CCDC152: variants seen among roughly 807,000 people sequenced by gnomAD.
CCDC152 encodes coiled-coil domain containing 152.
Under a neutral mutation model 38.1 loss-of-function variants are expected in CCDC152, and 37 were observed. That is an observed-to-expected ratio of 0.97 (90% confidence interval 0.75 to 1.28). The LOEUF (loss-of-function observed/expected upper bound fraction) is 1.28, where lower values mean the gene tolerates loss of function less well. Ranked by LOEUF, CCDC152 falls within the 50% of genes most tolerant of loss-of-function variation. CCDC152 has a pLI of 0.00. For missense variants in CCDC152, 259 were observed against 292.1 expected, an observed-to-expected ratio of 0.89 and a Z score of 0.83; for synonymous variants, 83 against 87.1, an observed-to-expected ratio of 0.95 and a Z score of 0.26.
At chr5:42,795,369 G>A (rs748854986) in intron 6 of CCDC152, among the ~76,000 whole-genome samples, 10 of 152,166 alleles carry the variant, frequency 6.6e-5, no homozygotes, top group Non-Finnish European at 1.5e-4. Context: ...AATTCTAAAT[G>A]TATATGTACC....
At chr5:42,779,017 G>A (rs554121816) in intron 4 of CCDC152, among the ~76,000 whole-genome samples, 127 of 152,214 alleles carry the variant, frequency 8.3e-4, no homozygotes, top group African/African-American at 2.5e-3. Flanking sequence ...GTTTTTCCAA[G>A]CTATATTCAC....
Position 42,796,971 on chromosome 5 carries a change from GTC to G in CCDC152, c.558+17_558+18del, listed in dbSNP as rs1434055594. 13 of 1,494,338 alleles carry G rather than the reference GTC, an allele frequency of 8.7e-6. 1 individual carries two copies. In the South Asian group the frequency reaches 1.7e-4, roughly 20 times the overall value. The allele number at this position is 1,494,338 out of a possible 1,614,324, so 92.6% of individuals were successfully genotyped here. ...TACAACTAGAAGTAAGTGTTTAAGA[GTC>G]TGCTAAACTTGAGGACACATCCCTT... On this transcript the variant is annotated intron_variant, in intron 7 of 8. Transcript: ENST00000361970.
At chr5:42,771,314 A>G (rs1045873423) in intron 4 of CCDC152, among the ~76,000 whole-genome samples, 1 of 152,114 alleles carries the variant, frequency 6.6e-6, no homozygotes, top group African/African-American at 2.4e-5. Context: ...ATTTAAAAGG[A>G]AAAAATATAT....
At position 42,770,175 on chromosome 5, in the gene CCDC152, T is replaced by C. The variant is rs527501827; in HGVS notation, c.262+510T>C. On this transcript the variant is annotated intron_variant, in intron 4 of 8. Transcript: ENST00000361970. ...ACAAAACAGACCAAGTATTTTGTGC[T>C]GTTCTGACTCAGCTGTGATGGCTGT... 2.0e-5 allele frequency among the ~76,000 whole-genome samples: 3 copies of C among 152,350 alleles called. No homozygotes were observed. The East Asian group carries it at 5.8e-4, about 29-fold the overall frequency.
intron 4 of CCDC152, among the ~76,000 whole-genome samples, chr5:42,770,620 G>A (rs746189184): frequency 8.6e-5 from 13 of 151,924 alleles, no homozygotes; most frequent in Non-Finnish European, 1.6e-4. Context: ...GGCTATTTGA[G>A]GTCTTTTGTG....
chr5:42,759,209 G>C lies in CCDC152; in HGVS notation c.87+1G>C. On this transcript the variant is annotated splice_donor_variant, in intron 2 of 8. Transcript: ENST00000361970. LOFTEE classifies it high-confidence loss of function. The stretch of plus-strand genomic sequence containing the variant: ...AAATGACTTCTCACAGATAGAAAAG[G>C]TATGTAAAGATAGAAAACAATTCTA... 2 of 1,537,296 alleles carry C rather than the reference G, an allele frequency of 1.3e-6. No homozygotes were observed. Among genetic ancestry groups the C allele is most frequent in the South Asian group, 1.2e-5 (1 of 83,284 alleles).
chr5:42,773,924 C>T (rs1759733124), intron 4 of CCDC152, among the ~76,000 whole-genome samples: 1 of 152,186 alleles, frequency 6.6e-6, no homozygotes, highest in African/African-American at 2.4e-5. Context: ...CTCACTTGCA[C>T]ATAAAACTTG....
intron 6 of CCDC152, among the ~76,000 whole-genome samples, chr5:42,787,419 T>C (rs1759936944): frequency 6.6e-6 from 1 of 152,108 alleles, no homozygotes; most frequent in South Asian, 2.1e-4. Flanking sequence ...TGTGTTGGTT[T>C]TCAACTTTCT....
chr5:42,768,282 T>C (rs1428653368), intron 3 of CCDC152, among the ~76,000 whole-genome samples: 1 of 152,226 alleles, frequency 6.6e-6, no homozygotes, highest in Non-Finnish European at 1.5e-5. Context: ...CAGCTTACTG[T>C]GATATTACCT....
chr5:42,779,698 A>G (rs1374051455), intron 5 of CCDC152, among the ~76,000 whole-genome samples, 176 bp downstream of exon 5: 1 of 148,380 alleles, frequency 6.7e-6, no homozygotes, highest in Non-Finnish European at 1.5e-5. Flanking sequence ...ATTTGTTTTC[A>G]AAGCAATACT....
chr5:42,797,832 G>A (rs1579724714), intron 7 of CCDC152, among the ~76,000 whole-genome samples: 1 of 151,884 alleles, frequency 6.6e-6, no homozygotes, highest in East Asian at 1.9e-4. Context: ...CTCAAAGGCT[G>A]AGGCTCTAAC....
chr5:42,788,070 G>GTATTGTCCT, intron 6 of CCDC152, among the ~76,000 whole-genome samples: 1 of 152,198 alleles, frequency 6.6e-6, no homozygotes, highest in Non-Finnish European at 1.5e-5. Flanking sequence ...ATGATAGCAA[G>GTATTGTCCT]TATTGTCCTT....
intron 4 of CCDC152, among the ~76,000 whole-genome samples, chr5:42,775,484 G>A (rs1250270620): frequency 6.6e-6 from 1 of 152,080 alleles, no homozygotes; most frequent in Non-Finnish European, 1.5e-5. Flanking sequence ...CAAAATTATT[G>A]TCCAGAAAGT....
At chr5:42,771,609 G>A (rs942049720) in intron 4 of CCDC152, among the ~76,000 whole-genome samples, 16 of 151,916 alleles carry the variant, frequency 1.1e-4, no homozygotes, top group African/African-American at 3.4e-4. Flanking sequence ...CCTAGGGGGC[G>A]TGAGGAGGAT....
intron 4 of CCDC152, among the ~76,000 whole-genome samples, chr5:42,772,759 A>G (rs1217963698): frequency 6.6e-6 from 1 of 152,158 alleles, no homozygotes; most frequent in Non-Finnish European, 1.5e-5. Context: ...ACAAGCCTTG[A>G]TTGAGCAAGG....
At chr5:42,783,150 G>A (rs1424877382) in intron 5 of CCDC152, among the ~76,000 whole-genome samples, 1 of 151,898 alleles carries the variant, frequency 6.6e-6, no homozygotes, top group Non-Finnish European at 1.5e-5. Context: ...GATTACAAGC[G>A]TGAGCCACCA....
intron 6 of CCDC152, among the ~76,000 whole-genome samples, chr5:42,796,299 G>A (rs1400339650): frequency 6.7e-6 from 1 of 150,024 alleles, no homozygotes; most frequent in African/African-American, 2.4e-5. Flanking sequence ...TGTGGGGCTT[G>A]TAGATTGTCT....
chr5:42,790,664 G>T (rs1055496146), intron 6 of CCDC152, among the ~76,000 whole-genome samples: 1 of 152,274 alleles, frequency 6.6e-6, no homozygotes, highest in East Asian at 1.9e-4. Context: ...GTGAAGAAGA[G>T]AAGAAAAGAA....
chr5:42,790,253 C>A (rs1157074474), intron 6 of CCDC152, among the ~76,000 whole-genome samples: 1 of 152,126 alleles, frequency 6.6e-6, no homozygotes, highest in African/African-American at 2.4e-5. Flanking sequence ...GGGCGGATTA[C>A]CTGAGGTTGG....
Sources: gnomAD v4.1 joint callset for allele counts (sites outside exome capture counted in the v4.1 genomes callset) on GRCh38, gnomAD v4.1.1 for gene constraint, MANE v1.5 for transcripts, NCBI Gene and HGNC (gene_info 2026-07-23, HGNC 2026-07-21) for gene names.